The following HKDC1 variants were observed in gnomAD, a reference collection of about 807,000 sequenced individuals.
The protein encoded by HKDC1 is hexokinase HKDC1.
Under a neutral mutation model 96.6 loss-of-function variants are expected in HKDC1, and 66 were observed. The observed-to-expected ratio is 0.68, with a 90% CI of 0.56 to 0.84. HKDC1 has a LOEUF of 0.84. Among genes scored for constraint, HKDC1 ranks in the 40% least tolerant of loss-of-function variants. The pLI, the probability that HKDC1 is intolerant of heterozygous loss-of-function variation, is 0.00. For synonymous variants in HKDC1, 466 were observed against 473.1 expected, an observed-to-expected ratio of 0.98 and a Z score of 0.20; for missense variants, 1,211 against 1,208.1, an observed-to-expected ratio of 1.00 and a Z score of -0.04.
chr10:69,232,767 A>G lies in HKDC1; in HGVS notation c.230A>G (p.Asn77Ser). 6.2e-7 allele frequency: 1 copy of G among 1,613,902 alleles called. No individual in the cohort carries two copies. The highest frequency in any genetic ancestry group is 8.5e-7 in the Non-Finnish European group (1 of 1,179,888). ...FVRAIPDGSENGEFLSLDLGG... is the reference protein window; with the variant it reads ...FVRAIPDGSESGEFLSLDLGG... ...AACTGAATTTGTTTCTTAATAGAAAATGGGGAGTTCCTTTCCCTGGATCTC... is the reference window on the plus strand; with the variant it reads ...AACTGAATTTGTTTCTTAATAGAAAGTGGGGAGTTCCTTTCCCTGGATCTC... Residue 77 changes from asparagine (N) to serine (S), a missense_variant, in exon 3 of 18, where the codon AAT (asparagine) becomes AGT (serine). Physicochemically the swap from Asn to Ser is conservative, Grantham distance 46 (BLOSUM62 1). Transcript: ENST00000354624.
At chr10:69,260,754 A>C (rs1373749253) in intron 15 of HKDC1, among the ~76,000 whole-genome samples, 1 of 152,062 alleles carries the variant, frequency 6.6e-6, no homozygotes, top group Non-Finnish European at 1.5e-5. Flanking sequence ...GGTAGAAAGG[A>C]GGAAGGGAAT....
intron 9 of HKDC1, 94 bp from the exon 10 acceptor site, chr10:69,248,330 G>A: frequency 2.4e-5 from 32 of 1,312,842 alleles, no homozygotes; most frequent in Non-Finnish European, 3.3e-5. Flanking sequence ...CGCCCCGCAG[G>A]GCCCTCCGGG....
At position 69,258,875 on chromosome 10, in the gene HKDC1, T is replaced by C; in HGVS notation, c.2132T>C (p.Phe711Ser). 2 of 1,612,664 alleles carry C rather than the reference T, an allele frequency of 1.2e-6. No individual in the cohort carries two copies. The highest frequency in any genetic ancestry group is 1.7e-6 in the Non-Finnish European group (2 of 1,179,616). Reference sequence around the variant, plus strand: ...TGCATCAATACAGAGTGGGGAGGATTTGGAGACAATGGCTGCATAGATGAC... The same window carrying C: ...TGCATCAATACAGAGTGGGGAGGATCTGGAGACAATGGCTGCATAGATGAC... ...KMCINTEWGG[F>S]GDNGCIDDIW... Residue 711 changes from phenylalanine to serine, a missense_variant, in exon 15 of 18, where the codon TTT (phenylalanine) becomes TCT (serine). By Grantham distance (155) the Phe-to-Ser change is radical. Transcript: ENST00000354624.
At chr10:69,225,936 G>C (rs1176536635) in intron 1 of HKDC1, 1 of 152,302 alleles carries the variant, frequency 6.6e-6, no homozygotes, top group Non-Finnish European at 1.5e-5. Context: ...CTTCACCCTG[G>C]ATAAAATGCC....
At chr10:69,263,069 T>C (rs540558642) in intron 16 of HKDC1, among the ~76,000 whole-genome samples, 28 of 152,266 alleles carry the variant, frequency 1.8e-4, no homozygotes, top group African/African-American at 6.0e-4. Context: ...GTTGTTGTTT[T>C]GTTTTTGTTT....
intron 6 of HKDC1, 114 bp from the exon 7 acceptor site, chr10:69,243,068 G>C: frequency 3.8e-6 from 4 of 1,048,074 alleles, no homozygotes; most frequent in Non-Finnish European, 5.7e-6. Context: ...AGCCCCCAGG[G>C]AATGAAAAGC....
rs770292279 is a variant in HKDC1, at chr10:69,261,210, A to G, written c.2288A>G (p.Gln763Arg). The change falls in exon 16 of 18, where the codon CAG becomes CGG. Residue 763 changes from glutamine (Q) to arginine (R), a missense_variant. By Grantham distance (43) the Gln-to-Arg change is conservative. Coordinates refer to ENST00000354624, the MANE Select transcript of HKDC1 (RefSeq NM_025130.4). ...CAGATCCTGATCGACCTGACCAAGC[A>G]GGGTCTCCTCTTCCGAGGGCAGATT... ...VRQILIDLTK[Q>R]GLLFRGQISE... is the part of the protein sequence containing the mutation. 6.2e-7 allele frequency: 1 copy of G among 1,614,106 alleles called. No homozygotes were observed. Among genetic ancestry groups the G allele is most frequent in the Non-Finnish European group, 8.5e-7 (1 of 1,179,978 alleles).
Position 69,250,581 on chromosome 10 carries a change from G to A in HKDC1, c.1765G>A (p.Gly589Ser), listed in dbSNP as rs767785660. The A allele has an allele frequency of 6.2e-7, 1 of 1,614,032 alleles. No individual in the cohort carries two copies. The highest frequency in any genetic ancestry group is 1.7e-5 in the Admixed American group (1 of 60,018). ...CATCGCCGACTTCCTGGACTACATG[G>A]GCCTCAAGGGAGCCTCCCTACCTTT... ...QCIADFLDYM[G>S]LKGASLPLGF... The change falls in exon 12 of 18, where the codon GGC becomes AGC. Residue 589 changes from glycine to serine, a missense_variant. Coordinates refer to ENST00000354624, the MANE Select transcript of HKDC1 (RefSeq NM_025130.4).
intron 16 of HKDC1, chr10:69,262,043 C>A: frequency 2.4e-6 from 1 of 419,154 alleles, no homozygotes; most frequent in Non-Finnish European, 4.8e-6. Context: ...GTCTGTCTGT[C>A]TCTCTTTCTT....
At chr10:69,246,661 C>G (rs1843545876) in intron 8 of HKDC1, among the ~76,000 whole-genome samples, 1 of 152,236 alleles carries the variant, frequency 6.6e-6, no homozygotes, top group African/African-American at 2.4e-5. Flanking sequence ...CCTGTGATAG[C>G]AGAGCCTTCT....
In HKDC1 at chr10:69,248,569, G is replaced by C. The variant is rs375135631; in HGVS notation, c.1411G>C (p.Asp471His). 11 of 1,614,106 alleles carry C rather than the reference G, an allele frequency of 6.8e-6. No homozygotes were observed. The highest frequency in any genetic ancestry group is 1.1e-5 in the South Asian group (1 of 91,076). ...SRVQAQRKQI[D>H]RVLALFQLTR... ...CGTGCAGGCCCAGCGGAAGCAGATC[G>C]ACAGGGTGCTGGCTTTGTTCCAGCT... is the stretch of plus-strand genomic sequence containing the variant. Residue 471 changes from aspartate to histidine, a missense_variant, in exon 10 of 18, where the codon GAC becomes CAC. Physicochemically the swap from Asp to His is moderately conservative, Grantham distance 81 (BLOSUM62 -1). Coordinates refer to ENST00000354624, the MANE Select transcript of HKDC1 (RefSeq NM_025130.4).
intron 4 of HKDC1, among the ~76,000 whole-genome samples, chr10:69,235,357 G>A (rs1034590561): frequency 1.3e-5 from 2 of 149,878 alleles, no homozygotes. Flanking sequence ...ACAAGGTGGA[G>A]GTTGTGGTGA....
intron 2 of HKDC1, among the ~76,000 whole-genome samples, chr10:69,231,834 C>T (rs1401942161): frequency 6.6e-6 from 1 of 152,206 alleles, no homozygotes; most frequent in Non-Finnish European, 1.5e-5. Context: ...AACCCTCTTA[C>T]TTGGTGCATA....
chr10:69,247,614 A>G (rs527932119), intron 9 of HKDC1, 21 bp downstream of exon 9: 1 of 1,590,766 alleles, frequency 6.3e-7, no homozygotes, highest in South Asian at 1.1e-5. Context: ...CCTGCCATCC[A>G]CGCCCCCACA....
At chr10:69,246,516 A>G (rs1264883063) in intron 8 of HKDC1, among the ~76,000 whole-genome samples, 2 of 152,136 alleles carry the variant, frequency 1.3e-5, no homozygotes, top group Non-Finnish European at 2.9e-5. Flanking sequence ...CATTTTTAGG[A>G]TCACAGATCC....
At position 69,248,675 on chromosome 10, in the gene HKDC1, TG is replaced by T. The variant is rs757626908; in HGVS notation, c.1519del (p.Ala507ProfsTer37). 6.2e-7 allele frequency: 1 copy of T among 1,613,956 alleles called. No individual in the cohort carries two copies. The highest frequency in any genetic ancestry group is 1.1e-5 in the South Asian group (1 of 91,074). On this transcript the variant is annotated frameshift_variant, in exon 10 of 18. Coordinates refer to ENST00000354624, the MANE Select transcript of HKDC1 (RefSeq NM_025130.4). LOFTEE classifies it high-confidence loss of function. ...GGGCTGAAGAAGAAGAGCCACGGGC[TG>T]GCCACGGTCAGGATGCTGCCCACCT... is the stretch of plus-strand genomic sequence containing the variant. ...EYGLKKKSHG[L>X]ATVRMLPTYV...
chr10:69,265,740 AAAG>A lies in HKDC1; in HGVS notation c.2529_2531del (p.Arg845del). On this transcript the variant is annotated inframe_deletion, in exon 17 of 18. Transcript: ENST00000354624. ...GCTGGCCTGGCCGCTATAGTGGAAA[AAAG>A]GAGAGAAGACCAGGGGCTAGAGCAC... 6.2e-7 allele frequency: 1 copy of A among 1,613,478 alleles called. No homozygotes were observed. Among genetic ancestry groups the A allele is most frequent in the Non-Finnish European group, 8.5e-7 (1 of 1,179,816 alleles).
rs1227363074 is a variant in HKDC1, at chr10:69,248,511, G to A, written c.1353G>A (p.Lys451=). ...RFLLSESGST[K]GAAMVTAVAS... Reference sequence around the variant, plus strand: ...TCCTGTCAGAGAGTGGCAGCACCAAGGGGGCCGCCATGGTGACCGCGGTGG... The same window carrying A: ...TCCTGTCAGAGAGTGGCAGCACCAAAGGGGCCGCCATGGTGACCGCGGTGG... The change falls in exon 10 of 18, where the codon AAG becomes AAA. Residue 451 remains lysine, a synonymous_variant. Coordinates refer to ENST00000354624, the MANE Select transcript of HKDC1 (RefSeq NM_025130.4). The A allele has an allele frequency of 1.2e-6, 2 of 1,612,922 alleles. No homozygotes were observed. The highest frequency in any genetic ancestry group is 1.7e-5 in the Admixed American group (1 of 59,998).
intron 8 of HKDC1, 111 bp downstream of exon 8, chr10:69,246,345 A>G: frequency 8.1e-7 from 1 of 1,231,866 alleles, no homozygotes; most frequent in Non-Finnish European, 1.2e-6. Flanking sequence ...CTCCTTCACC[A>G]GGAAGATTTC....
Sources: allele counts gnomAD v4.1 joint callset (sites outside exome capture counted in the v4.1 genomes callset), GRCh38; gene constraint gnomAD v4.1.1; transcripts MANE v1.5; gene names NCBI Gene and HGNC (gene_info 2026-07-23, HGNC 2026-07-21).